GLRA2: variants seen among roughly 807,000 people sequenced by gnomAD.
GLRA2 encodes glycine receptor alpha 2.
Under a neutral mutation model 31.6 loss-of-function variants are expected in GLRA2, and 11 were observed. The observed-to-expected ratio is 0.35, with a 90% confidence interval of 0.22 to 0.58. The LOEUF is 0.58. Among genes scored for constraint, GLRA2 ranks in the 20% least tolerant of loss-of-function variants. GLRA2 has a pLI of 0.84. For synonymous variants in GLRA2, 132 were observed against 134.0 expected (o/e 0.99, Z 0.10); for missense variants, 212 against 351.8 (o/e 0.60, Z 3.18).
chrX:14,490,955 A>G, the GLRA2 span, among the ~76,000 whole-genome samples: 3 of 111,852 alleles, frequency 2.7e-5, no homozygotes, highest in Non-Finnish European at 5.6e-5. Flanking sequence ...CATCTGACCA[A>G]TTCAAGATCA....
At chrX:14,457,883 T>A in the GLRA2 span, among the ~76,000 whole-genome samples, 1 of 110,771 alleles carries the variant, frequency 9.0e-6, no homozygotes, top group Non-Finnish European at 1.9e-5. Context: ...CTTTTTTTTT[T>A]ATTATTATAC....
At chrX:14,502,764 CAT>C in the GLRA2 span, among the ~76,000 whole-genome samples, 1 of 109,922 alleles carries the variant, frequency 9.1e-6, no homozygotes, top group East Asian at 2.9e-4. Flanking sequence ...GCTTGTCTAA[CAT>C]ATGTGTTTTC....
intron 8 of GLRA2, among the ~76,000 whole-genome samples, chrX:14,719,220 A>G (rs1036347600): frequency 6.3e-5 from 7 of 111,962 alleles, no homozygotes; most frequent in Non-Finnish European, 1.1e-4. Context: ...AAAGACTTCA[A>G]TGGGTGAAAC....
chrX:14,566,201 T>C (rs1224283656), intron 2 of GLRA2, among the ~76,000 whole-genome samples: 1 of 111,168 alleles, frequency 9.0e-6, no homozygotes, highest in Non-Finnish European at 1.9e-5. Context: ...CTAGATGAAA[T>C]GAACAAATAA....
chrX:14,622,239 T>C (rs2090529515), intron 7 of GLRA2, among the ~76,000 whole-genome samples: 1 of 112,125 alleles, frequency 8.9e-6, no homozygotes, highest in African/African-American at 3.2e-5. Flanking sequence ...TTTGTTTAAG[T>C]TTTTTGTAGA....
At chrX:14,523,397 G>A in the GLRA2 span, among the ~76,000 whole-genome samples, 3 of 112,011 alleles carry the variant, frequency 2.7e-5, no homozygotes, top group African/African-American at 9.7e-5. Context: ...CCATATCAGC[G>A]ATAACGCAGT....
At chrX:14,472,103 A>AT in the GLRA2 span, among the ~76,000 whole-genome samples, 1 of 111,739 alleles carries the variant, frequency 8.9e-6, no homozygotes, top group East Asian at 2.8e-4. Context: ...CCTAACGTAA[A>AT]TTTTTTCCCA....
intron 2 of GLRA2, among the ~76,000 whole-genome samples, chrX:14,557,944 T>C (rs2089674472): frequency 8.9e-6 from 1 of 112,280 alleles, no homozygotes; most frequent in East Asian, 2.8e-4. Context: ...AGAATGTTTA[T>C]GCATAATTCC....
chrX:14,575,839 A>G (rs994239848), intron 3 of GLRA2, among the ~76,000 whole-genome samples: 7 of 111,445 alleles, frequency 6.3e-5, no homozygotes, highest in African/African-American at 2.3e-4. Context: ...TTACCCCCAC[A>G]GGGTTCTCGG....
chrX:14,484,378 A>C, the GLRA2 span, among the ~76,000 whole-genome samples: 6,635 of 111,885 alleles, frequency 0.059, 513 homozygotes, highest in African/African-American at 0.2. Context: ...GTCAATCTTT[A>C]CTGCTGGTTA....
At chrX:14,665,315 C>G (rs1445375293) in intron 7 of GLRA2, among the ~76,000 whole-genome samples, 1 of 112,044 alleles carries the variant, frequency 8.9e-6, no homozygotes, top group Non-Finnish European at 1.9e-5. Flanking sequence ...CCTAATCATA[C>G]TTTGTGAATG....
chrX:14,619,386 C>T (rs1388580941), intron 7 of GLRA2, among the ~76,000 whole-genome samples: 3 of 110,938 alleles, frequency 2.7e-5, no homozygotes, highest in Non-Finnish European at 5.7e-5. Flanking sequence ...CTATGGTGAA[C>T]AATTCATAAT....
In GLRA2 at chrX:14,557,298, G is replaced by A. The variant is rs188600180; in HGVS notation, c.203-17035G>A. ...GCCCGGCTAATTTTTTGTATTTTTA[G>A]TAGAGATGGGGTTTCACCATGTTAG... is the stretch of plus-strand genomic sequence containing the variant. On this transcript the variant is annotated intron_variant, in intron 2 of 8. Coordinates refer to ENST00000218075, the MANE Select transcript of GLRA2 (RefSeq NM_002063.4). Among the ~76,000 whole-genome samples the A allele has an allele frequency of 1.6e-3, 169 of 108,508 alleles. 2 individuals carry two copies. The highest frequency in any genetic ancestry group is 5.8e-4 in the East Asian group (2 of 3,471). 94.2% of individuals were successfully genotyped at this position (108,508 alleles called of 115,157 possible). A position where few individuals can be genotyped will look rare whatever the true frequency, so the allele number is the denominator to read the frequency against.
the GLRA2 span, among the ~76,000 whole-genome samples, chrX:14,487,856 C>T: frequency 9.0e-6 from 1 of 111,702 alleles, no homozygotes; most frequent in Non-Finnish European, 1.9e-5. Flanking sequence ...GATTCTAATA[C>T]TCTAGTGAGA....
intron 8 of GLRA2, among the ~76,000 whole-genome samples, chrX:14,698,681 CAAAAAA>C (rs749925474): frequency 0.026 from 554 of 21,103 alleles, 1 homozygote; most frequent in Non-Finnish European, 0.035. Flanking sequence ...CTATCTATCT[CAAAAAA>C]AAAAAAAAAA....
intron 7 of GLRA2, among the ~76,000 whole-genome samples, chrX:14,631,020 C>A (rs1461076179): frequency 9.1e-6 from 1 of 110,234 alleles, no homozygotes; most frequent in African/African-American, 3.3e-5. Flanking sequence ...AGGGTGGAGT[C>A]CTCATTACTC....
chrX:14,637,611 A>T (rs963057671), intron 7 of GLRA2, among the ~76,000 whole-genome samples: 12 of 112,078 alleles, frequency 1.1e-4, no homozygotes, highest in Non-Finnish European at 2.3e-4. Flanking sequence ...GAGGCTAATT[A>T]TAGGCTTTGC....
chrX:14,633,250 CT>C (rs994341103), intron 7 of GLRA2, among the ~76,000 whole-genome samples: 3 of 111,893 alleles, frequency 2.7e-5, no homozygotes, highest in Admixed American at 9.5e-5. Context: ...AATCCCAGCA[CT>C]TTGGGAGGCT....
rs781053959 is a variant in GLRA2, at chrX:14,628,725, T to A, written c.930+19520T>A. On this transcript the variant is annotated intron_variant, in intron 7 of 8. Transcript: ENST00000218075. ...TGAAGTTGGAATGAGCCAGTAAACT[T>A]CAGAGAATTAGAAAGAAAGACTGTG... is the stretch of plus-strand genomic sequence containing the variant. 3.6e-5 allele frequency among the ~76,000 whole-genome samples: 4 copies of A among 111,480 alleles called. No homozygotes were observed. In the South Asian group the frequency reaches 1.5e-3, roughly 42 times the overall value.
Sources: gnomAD v4.1 joint callset for allele counts (sites outside exome capture counted in the v4.1 genomes callset) on GRCh38, gnomAD v4.1.1 for gene constraint, MANE v1.5 for transcripts, NCBI Gene and HGNC (gene_info 2026-07-23, HGNC 2026-07-21) for gene names.